The following CALN1 variants were observed in gnomAD, a reference collection of about 807,000 sequenced individuals.
The protein encoded by CALN1 is calneuron 1.
A neutral mutation model predicts 30.6 loss-of-function variants in CALN1; 17 were observed. The ratio of observed to expected loss-of-function variants is 0.56; its 90% confidence interval spans 0.38 to 0.83. CALN1 has a LOEUF of 0.83. Among genes scored for constraint, CALN1 ranks in the 40% least tolerant of loss-of-function variants. The pLI is 0.00. For missense variants in CALN1, 291 were observed against 354.9 expected, an observed-to-expected ratio of 0.82 and a Z score of 1.45; for synonymous variants, 156 against 131.4, an observed-to-expected ratio of 1.19 and a Z score of -1.28.
At chr7:72,499,845 C>CT in the CALN1 span, among the ~76,000 whole-genome samples, 1 of 28,034 alleles carries the variant, frequency 3.6e-5, no homozygotes, top group African/African-American at 2.5e-4. Flanking sequence ...TTCTTTCTTT[C>CT]TTTCTTTCTT....
At chr7:72,107,058 G>A (rs1807224925) in intron 3 of CALN1, among the ~76,000 whole-genome samples, 1 of 152,034 alleles carries the variant, frequency 6.6e-6, no homozygotes, top group African/African-American at 2.4e-5. Context: ...GGAAGGGAGG[G>A]AGGAGGCAGC....
chr7:72,091,150 G>A (rs1805831812), intron 4 of CALN1, among the ~76,000 whole-genome samples: 1 of 152,146 alleles, frequency 6.6e-6, no homozygotes, highest in Admixed American at 6.5e-5. Flanking sequence ...CCAACATGGT[G>A]AGACTCCCTT....
intron 2 of CALN1, among the ~76,000 whole-genome samples, chr7:72,325,947 G>A (rs954760446): frequency 5.1e-4 from 77 of 152,134 alleles, no homozygotes; most frequent in African/African-American, 1.8e-3. Flanking sequence ...TGTCACCCAG[G>A]CTGGAATGCA....
the CALN1 span, among the ~76,000 whole-genome samples, chr7:72,460,870 C>T: frequency 6.6e-6 from 1 of 152,124 alleles, no homozygotes; most frequent in Non-Finnish European, 1.5e-5. Flanking sequence ...TTTGCTTCCC[C>T]CCACGGCAGG....
chr7:72,435,336 G>C lies in CALN1; in HGVS notation c.-226+11706C>G, dbSNP rs370835623. 8.1e-4 allele frequency among the ~76,000 whole-genome samples: 123 copies of C among 152,210 alleles called. 1 individual carries two copies. The highest frequency in any genetic ancestry group is 2.9e-3 in the African/African-American group (120 of 41,542). ...GACATAGGAAACAGGCCAGCAGAGAGAGCAGACGAGAATGTGGTGGAAGCT... is the reference window on the plus strand; with the variant it reads ...GACATAGGAAACAGGCCAGCAGAGACAGCAGACGAGAATGTGGTGGAAGCT... On this transcript the variant is annotated intron_variant, in intron 1 of 6. Transcript: ENST00000395276.
intron 5 of CALN1, among the ~76,000 whole-genome samples, chr7:71,858,807 T>C (rs1341895808): frequency 6.6e-6 from 1 of 152,140 alleles, no homozygotes; most frequent in Non-Finnish European, 1.5e-5. Flanking sequence ...TTACACATAC[T>C]GATTGATGTC....
intron 3 of CALN1, among the ~76,000 whole-genome samples, chr7:72,196,099 A>G (rs1790974825): frequency 2.6e-5 from 4 of 151,786 alleles, no homozygotes; most frequent in Admixed American, 2.0e-4. Context: ...GCTAAGGGGT[A>G]TTAAGTTTCT....
intron 4 of CALN1, among the ~76,000 whole-genome samples, chr7:72,048,043 T>TC (rs1433970390): frequency 2.0e-5 from 3 of 146,744 alleles, no homozygotes; most frequent in Non-Finnish European, 3.0e-5. Flanking sequence ...TTCTTCTTCT[T>TC]TTTTTTTTTT....
intron 1 of CALN1, among the ~76,000 whole-genome samples, chr7:72,408,940 A>C (rs896987817): frequency 1.3e-5 from 2 of 151,830 alleles, no homozygotes; most frequent in African/African-American, 4.8e-5. Context: ...AGCCTCCCAA[A>C]GTGCTGGGAT....
rs527937063 is a variant in CALN1, at chr7:71,948,410, T to C, written c.501+75247A>G. 2.0e-5 allele frequency among the ~76,000 whole-genome samples: 3 copies of C among 152,266 alleles called. No individual in the cohort carries two copies. The South Asian group carries it at 6.2e-4, about 32-fold the overall frequency. On this transcript the variant is annotated intron_variant, in intron 5 of 6. Transcript: ENST00000395275. ...ATGGCCTTCTAAGAGAGAGTCATCA[T>C]ACATGTGACACTGAGCTCCATTAGA...
At chr7:71,842,579 G>T (rs1264139373) in intron 5 of CALN1, among the ~76,000 whole-genome samples, 1 of 152,168 alleles carries the variant, frequency 6.6e-6, no homozygotes, top group Non-Finnish European at 1.5e-5. Context: ...GCACAGCCTG[G>T]AATCCAGCCA....
At chr7:72,347,948 T>G (rs954763120) in intron 2 of CALN1, among the ~76,000 whole-genome samples, 14 of 151,982 alleles carry the variant, frequency 9.2e-5, no homozygotes, top group African/African-American at 2.7e-4. Context: ...CTGGCCAACA[T>G]GCTGAGACCC....
chr7:72,324,347 G>A (rs2129557536), intron 2 of CALN1, among the ~76,000 whole-genome samples: 1 of 152,154 alleles, frequency 6.6e-6, no homozygotes, highest in Middle Eastern at 3.4e-3. Flanking sequence ...AAGCATCACT[G>A]ATAACCATCC....
intron 3 of CALN1, among the ~76,000 whole-genome samples, chr7:72,214,158 T>C (rs1792605360): frequency 6.6e-6 from 1 of 152,224 alleles, no homozygotes; most frequent in Non-Finnish European, 1.5e-5. Flanking sequence ...AACTATTGAC[T>C]AGTTAATGTG....
intron 1 of CALN1, among the ~76,000 whole-genome samples, chr7:72,408,348 T>C (rs889149746): frequency 5.3e-5 from 8 of 150,086 alleles, no homozygotes; most frequent in African/African-American, 2.0e-4. Context: ...GGGTAAGGCA[T>C]GAAAGAGAAT....
At chr7:72,477,243 A>C in the CALN1 span, among the ~76,000 whole-genome samples, 1 of 151,780 alleles carries the variant, frequency 6.6e-6, no homozygotes, top group East Asian at 1.9e-4. Context: ...ATGCCCTGAG[A>C]ACATGAAAGC....
At chr7:72,173,254 A>C (rs1293060874) in intron 3 of CALN1, among the ~76,000 whole-genome samples, 1 of 152,102 alleles carries the variant, frequency 6.6e-6, no homozygotes, top group African/African-American at 2.4e-5. Flanking sequence ...AACTAATCAA[A>C]AGTTATACAA....
chr7:71,946,445 G>T (rs1252704160), intron 5 of CALN1, among the ~76,000 whole-genome samples: 2 of 145,828 alleles, frequency 1.4e-5, no homozygotes, highest in African/African-American at 5.1e-5. Flanking sequence ...ATAGCTCACT[G>T]CAGCCTTGAC....
intron 5 of CALN1, among the ~76,000 whole-genome samples, chr7:71,950,315 G>C (rs888648611): frequency 3.9e-5 from 6 of 152,138 alleles, no homozygotes; most frequent in African/African-American, 1.4e-4. Flanking sequence ...AGGAAACTGA[G>C]GCAGAGGGAC....
Sources: allele counts gnomAD v4.1 joint callset (sites outside exome capture counted in the v4.1 genomes callset), GRCh38; gene constraint gnomAD v4.1.1; transcripts MANE v1.5; gene names NCBI Gene and HGNC (gene_info 2026-07-23, HGNC 2026-07-21).